TLK1: variants seen among roughly 807,000 people sequenced by gnomAD.
TLK1 encodes serine/threonine-protein kinase tousled-like 1.
TLK1 carries 24 observed loss-of-function variants against 105.3 expected under a neutral mutation model. That is an observed-to-expected ratio of 0.23 (90% CI 0.17 to 0.32). TLK1 has a LOEUF of 0.32. Among genes scored for constraint, TLK1 ranks in the 10% least tolerant of loss-of-function variants. The probability of loss-of-function intolerance (pLI) is 1.00; values close to 1 mark genes in which losing one functional copy is unlikely to be tolerated. For synonymous variants in TLK1, 321 were observed against 310.4 expected (o/e 1.03, Z -0.36); for missense variants, 558 against 910.5 (o/e 0.61, Z 4.98).
chr2:171,185,272 T>C (rs748847709), intron 1 of TLK1, among the ~76,000 whole-genome samples: 7 of 152,220 alleles, frequency 4.6e-5, no homozygotes, highest in Non-Finnish European at 1.0e-4. Context: ...TCTTAACTGC[T>C]GTCTCTGGTT....
At chr2:171,071,759 T>C (rs1688267232) in intron 3 of TLK1, among the ~76,000 whole-genome samples, 1 of 152,350 alleles carries the variant, frequency 6.6e-6, no homozygotes, top group East Asian at 1.9e-4. Context: ...TTTTTGTATA[T>C]GGTGAGAGAT....
intron 20 of TLK1, among the ~76,000 whole-genome samples, chr2:170,994,980 T>C (rs1371190879): frequency 6.6e-6 from 1 of 152,182 alleles, no homozygotes; most frequent in Non-Finnish European, 1.5e-5. Context: ...AAGGTAACTA[T>C]TTTGCACTTT....
intron 11 of TLK1, among the ~76,000 whole-genome samples, chr2:171,039,173 C>CT (rs778124032): frequency 1.3e-5 from 2 of 151,956 alleles, no homozygotes; most frequent in African/African-American, 4.8e-5. Flanking sequence ...TTCAATATGT[C>CT]TTTTTTCCCT....
chr2:171,102,489 C>A (rs1257586571), intron 2 of TLK1, among the ~76,000 whole-genome samples: 2 of 152,164 alleles, frequency 1.3e-5, no homozygotes, highest in African/African-American at 4.8e-5. Flanking sequence ...TTCTTTCTAT[C>A]TGAGAGTCAC....
intron 12 of TLK1, among the ~76,000 whole-genome samples, chr2:171,024,312 C>T (rs1350494046): frequency 6.6e-6 from 1 of 151,564 alleles, no homozygotes; most frequent in Non-Finnish European, 1.5e-5. Context: ...AAAAATAAAT[C>T]GAGTGAAAAT....
intron 5 of TLK1, among the ~76,000 whole-genome samples, chr2:171,057,161 T>C (rs963254998): frequency 6.6e-6 from 1 of 152,098 alleles, no homozygotes; most frequent in African/African-American, 2.4e-5. Flanking sequence ...ATTCCATAGC[T>C]ATCTTTTCTC....
intron 1 of TLK1, among the ~76,000 whole-genome samples, chr2:171,209,411 T>C (rs1693567996): frequency 6.6e-6 from 1 of 152,202 alleles, no homozygotes; most frequent in Admixed American, 6.5e-5. Context: ...TAGATAGCGA[T>C]GAAAATTTAT....
At chr2:171,012,074 T>TA (rs200034454) in intron 13 of TLK1, among the ~76,000 whole-genome samples, 1 of 149,138 alleles carries the variant, frequency 6.7e-6, no homozygotes, top group Non-Finnish European at 1.5e-5. Context: ...TTGGGAGTTG[T>TA]TTTTTTTTTT....
rs1462300094 is a variant in TLK1 at position 170,991,365 on chromosome 2, G to A, written c.*2415C>T. Reference sequence around the variant, plus strand: ...AGCAATAGATACCAACTTTCCATGTGAGGGTAAAAGTAAGTTATTCAATGT... The same window carrying A: ...AGCAATAGATACCAACTTTCCATGTAAGGGTAAAAGTAAGTTATTCAATGT... On this transcript the variant is annotated 3_prime_UTR_variant, in exon 21 of 21. Transcript: ENST00000431350. The A allele has an allele frequency of 2.0e-5, 3 of 152,170 alleles. No homozygotes were observed. The highest frequency in any genetic ancestry group is 2.0e-4 in the Admixed American group (3 of 15,276). The allele number at this position is 152,170 out of a possible 1,614,324, so 9.4% of individuals were successfully genotyped here. A position where few individuals can be genotyped will look rare whatever the true frequency, so the allele number is the denominator to read the frequency against.
chr2:171,046,349 C>T lies in TLK1; in HGVS notation c.994G>A (p.Val332Met), dbSNP rs752437541. The T allele has an allele frequency of 4.4e-6, 7 of 1,606,226 alleles. No individual in the cohort carries two copies. The highest frequency in any genetic ancestry group is 5.9e-6 in the Non-Finnish European group (7 of 1,176,982). ...TCAATATCTTCCCTTTGCTGATTCA[C>T]CCATTCTTGTTGCCTGTGTAAAAAT... ...FQNLVKQQEW[V>M]NQQREDIERQ... Residue 332 changes from valine (V) to methionine (M), a missense_variant, in exon 11 of 21, where the codon GTG (valine) becomes ATG (methionine). By Grantham distance (21) the Val-to-Met change is conservative. Transcript: ENST00000431350.
In TLK1 at chr2:171,006,236, G is replaced by T; in HGVS notation, c.1815C>A (p.Ile605=). The change falls in exon 18 of 21, where the codon ATC becomes ATA. Residue 605 remains isoleucine, a synonymous_variant. Transcript: ENST00000431350. Reference sequence around the variant, plus strand: ...TAATCTTGGACAGACCAAAATCAGTGATTTTGATTTCACCACATGCTGTTC... The same window carrying T: ...TAATCTTGGACAGACCAAAATCAGTTATTTTGATTTCACCACATGCTGTTC... The part of the protein sequence containing the change: ...VDGTACGEIK[I]TDFGLSKIMD... 6.2e-7 allele frequency: 1 copy of T among 1,610,144 alleles called. No individual in the cohort carries two copies. The highest frequency in any genetic ancestry group is 8.5e-7 in the Non-Finnish European group (1 of 1,178,582).
chr2:171,113,471 C>A (rs1352129047), intron 2 of TLK1, among the ~76,000 whole-genome samples: 1 of 152,092 alleles, frequency 6.6e-6, no homozygotes, highest in African/African-American at 2.4e-5. Context: ...TGGGGTTCCA[C>A]CATGTTCACC....
At chr2:171,135,157 G>C (rs1011549695) in intron 1 of TLK1, among the ~76,000 whole-genome samples, 10 of 152,100 alleles carry the variant, frequency 6.6e-5, no homozygotes, top group African/African-American at 2.4e-4. Context: ...CCATCGCACA[G>C]CAGGGTGACT....
At chr2:171,157,405 A>T (rs1254628236) in intron 1 of TLK1, among the ~76,000 whole-genome samples, 1 of 152,216 alleles carries the variant, frequency 6.6e-6, no homozygotes, top group Non-Finnish European at 1.5e-5. Flanking sequence ...AATGGGATGG[A>T]GATTATAGGT....
intron 1 of TLK1, among the ~76,000 whole-genome samples, chr2:171,188,337 A>G (rs1693075543): frequency 1.3e-5 from 2 of 152,236 alleles, no homozygotes; most frequent in African/African-American, 4.8e-5. Context: ...TGGGAGGCCA[A>G]GGCGGGTGGA....
intron 12 of TLK1, among the ~76,000 whole-genome samples, chr2:171,015,225 T>G (rs892388030): frequency 6.6e-6 from 1 of 152,164 alleles, no homozygotes; most frequent in Admixed American, 6.5e-5. Context: ...TTATAATGTA[T>G]ATACTGAAAG....
rs755078365 is a variant in TLK1 at position 171,006,293 on chromosome 2, A to C, written c.1769-11T>G. The C allele has an allele frequency of 6.4e-7, 1 of 1,573,682 alleles. No homozygotes were observed. The highest frequency in any genetic ancestry group is 1.4e-5 in the African/African-American group (1 of 72,708). ...CCAGTAGGATGTTTCCTAAGAATAA[A>C]ATATAAGATTCTTTTAATGATACAT... On this transcript the variant is annotated splice_polypyrimidine_tract_variant and intron_variant, in intron 17 of 20. Coordinates refer to ENST00000431350, the MANE Select transcript of TLK1 (RefSeq NM_012290.5).
chr2:171,091,013 G>T (rs1207186611), intron 2 of TLK1, among the ~76,000 whole-genome samples: 1 of 152,178 alleles, frequency 6.6e-6, no homozygotes, highest in Non-Finnish European at 1.5e-5. Context: ...ACTTCTATTA[G>T]ACAGAGTTGC....
chr2:171,169,962 A>G (rs1692696172), intron 1 of TLK1, among the ~76,000 whole-genome samples: 1 of 152,218 alleles, frequency 6.6e-6, no homozygotes, highest in Non-Finnish European at 1.5e-5. Flanking sequence ...AAATCACAGT[A>G]GAAAATAAGA....
Sources: allele counts gnomAD v4.1 joint callset (sites outside exome capture counted in the v4.1 genomes callset), GRCh38; gene constraint gnomAD v4.1.1; transcripts MANE v1.5; gene names NCBI Gene and HGNC (gene_info 2026-07-23, HGNC 2026-07-21).